The following SPAG17 variants were observed in gnomAD, a reference collection of about 807,000 sequenced individuals.
SPAG17 encodes sperm associated antigen 17, also known as sperm-associated antigen 17.
SPAG17 carries 169 observed loss-of-function variants against 273.6 expected under a neutral mutation model. The ratio of observed to expected loss-of-function variants is 0.62; its 90% CI spans 0.55 to 0.70. SPAG17 has a LOEUF of 0.70. Ranked by LOEUF, SPAG17 falls within the 30% of genes least tolerant of loss-of-function variation. SPAG17 has a pLI of 0.00. For missense variants in SPAG17, 2,557 were observed against 2,627.8 expected (o/e 0.97, Z 0.59); for synonymous variants, 825 against 873.2 (o/e 0.94, Z 0.97).
At position 117,987,819 on chromosome 1, in the gene SPAG17, T is replaced by G. The variant is rs767736345; in HGVS notation, c.5669+15A>C. 1.9e-6 allele frequency: 3 copies of G among 1,613,622 alleles called. No individual in the cohort carries two copies. The South Asian group carries it at 3.3e-5, about 18-fold the overall frequency. On this transcript the variant is annotated intron_variant, in intron 40 of 48. Coordinates refer to ENST00000336338, the MANE Select transcript of SPAG17 (RefSeq NM_206996.4). ...GCCCTTTCAGGTCCTTATGTGCGTT[T>G]TGGGGTATAATTACCTCGTTTTGTC...
At chr1:118,136,117 T>C (rs1315301431) in intron 3 of SPAG17, among the ~76,000 whole-genome samples, 1 of 152,206 alleles carries the variant, frequency 6.6e-6, no homozygotes, top group Non-Finnish European at 1.5e-5. Context: ...GAAAGTATTT[T>C]GGACTCTAAA....
At chr1:118,184,919 C>T (rs1028044982) in intron 1 of SPAG17, 152 bp downstream of exon 1, 9 of 687,408 alleles carry the variant, frequency 1.3e-5, no homozygotes, top group Non-Finnish European at 2.3e-5. Context: ...GTTTATCAAG[C>T]ACTTCCTGTC....
chr1:118,122,298 G>A (rs1384929324), intron 3 of SPAG17, among the ~76,000 whole-genome samples: 1 of 152,156 alleles, frequency 6.6e-6, no homozygotes, highest in Non-Finnish European at 1.5e-5. Flanking sequence ...CACTTGTATT[G>A]AGATGTTCTC....
At chr1:118,115,199 A>G in intron 4 of SPAG17, 111 bp downstream of exon 4, 1 of 1,278,120 alleles carries the variant, frequency 7.8e-7, no homozygotes, top group Non-Finnish European at 1.1e-6. Flanking sequence ...CAAATTTGCC[A>G]GGTAACACTT....
intron 1 of SPAG17, among the ~76,000 whole-genome samples, chr1:118,168,577 G>A (rs1306416204): frequency 6.6e-6 from 1 of 152,168 alleles, no homozygotes; most frequent in Non-Finnish European, 1.5e-5. Context: ...TCACTATCAG[G>A]TGCTATAGCC....
intron 27 of SPAG17, 114 bp from the exon 28 acceptor site, chr1:118,023,577 T>C: frequency 2.0e-6 from 2 of 1,015,516 alleles, no homozygotes; most frequent in Non-Finnish European, 2.8e-6. Flanking sequence ...GAAGAAATGC[T>C]GTTTGCAGAC....
intron 3 of SPAG17, among the ~76,000 whole-genome samples, chr1:118,118,245 C>A (rs1657206434): frequency 6.6e-6 from 1 of 152,176 alleles, no homozygotes. Context: ...AAGAATAAAT[C>A]TCCAACATTC....
intron 4 of SPAG17, among the ~76,000 whole-genome samples, chr1:118,103,470 A>C (rs1269406396): frequency 6.6e-6 from 1 of 152,084 alleles, no homozygotes; most frequent in African/African-American, 2.4e-5. Context: ...AACATCAGTA[A>C]AGGCTGCAGG....
intron 40 of SPAG17, among the ~76,000 whole-genome samples, chr1:117,986,873 A>T (rs968577434): frequency 1.3e-5 from 2 of 152,164 alleles, no homozygotes; most frequent in Non-Finnish European, 2.9e-5. Context: ...AGGACATAAA[A>T]CCTAGAAAGG....
In SPAG17 at chr1:118,039,569, C is replaced by T; in HGVS notation, c.3167-125G>A. The T allele has an allele frequency of 5.4e-6, 5 of 934,450 alleles. No individual in the cohort carries two copies. The South Asian group carries it at 5.9e-5, about 11-fold the overall frequency. The allele number at this position is 934,450 out of a possible 1,614,324, so 57.9% of individuals were successfully genotyped here. On this transcript the variant is annotated intron_variant, in intron 22 of 48. Coordinates refer to ENST00000336338, the MANE Select transcript of SPAG17 (RefSeq NM_206996.4). The stretch of plus-strand genomic sequence containing the variant: ...AACAGAAAACCAAACACTGCATGTT[C>T]TCACTTAGGAATGGCAGCTAAACAT...
intron 18 of SPAG17, among the ~76,000 whole-genome samples, chr1:118,062,641 A>T (rs1004969372): frequency 3.3e-5 from 5 of 152,132 alleles, no homozygotes; most frequent in Admixed American, 3.3e-4. Context: ...TGATATAATT[A>T]TAATGAAAAA....
chr1:118,066,930 C>A lies in SPAG17; in HGVS notation c.2386-31G>T, dbSNP rs188499644. 1,306 of 1,577,036 alleles carry A rather than the reference C, an allele frequency of 8.3e-4. 19 individuals are homozygous for A. The Admixed American group carries it at 0.023, about 28-fold the overall frequency. On this transcript the variant is annotated intron_variant, in intron 17 of 48. Transcript: ENST00000336338. Reference sequence around the variant, plus strand: ...AATCAAAATAATTGCATTGTAGAATCTTTTTTATTTTCCCCAAGAGAAGGG... The same window carrying A: ...AATCAAAATAATTGCATTGTAGAATATTTTTTATTTTCCCCAAGAGAAGGG...
Position 118,025,265 on chromosome 1 carries a change from G to A in SPAG17, c.3882C>T (p.Val1294=). The change falls in exon 27 of 49, where the codon GTC becomes GTT. Residue 1294 remains valine, a synonymous_variant. Coordinates refer to ENST00000336338, the MANE Select transcript of SPAG17 (RefSeq NM_206996.4). The stretch of plus-strand genomic sequence containing the variant: ...GTGTGGATCCATCCAACATATATTT[G>A]ACAACAGTGCCTTGACTGGTGATAA... ...SRVITSQGTV[V]KYMLDGSTQI... The A allele has an allele frequency of 1.9e-6, 3 of 1,612,982 alleles. No individual in the cohort carries two copies. The highest frequency in any genetic ancestry group is 1.1e-5 in the South Asian group (1 of 91,018).
chr1:118,119,241 T>C (rs1436477992), intron 3 of SPAG17, among the ~76,000 whole-genome samples: 3 of 152,254 alleles, frequency 2.0e-5, no homozygotes, highest in Non-Finnish European at 4.4e-5. Flanking sequence ...CCTTGTGTGT[T>C]GACAAGAAGT....
intron 3 of SPAG17, among the ~76,000 whole-genome samples, chr1:118,120,164 T>C (rs1373207309): frequency 6.6e-6 from 1 of 152,226 alleles, no homozygotes; most frequent in Admixed American, 6.5e-5. Context: ...CTTTTATTTG[T>C]TGATATTAGT....
intron 13 of SPAG17, among the ~76,000 whole-genome samples, chr1:118,083,920 C>A (rs1371375395): frequency 6.6e-6 from 1 of 152,056 alleles, no homozygotes; most frequent in Non-Finnish European, 1.5e-5. Flanking sequence ...TGGTTTTGGA[C>A]TTGTTAAGCA....
chr1:118,093,042 T>C (rs1655485862), intron 8 of SPAG17, 114 bp downstream of exon 8: 3 of 1,131,594 alleles, frequency 2.7e-6, no homozygotes, highest in Non-Finnish European at 3.7e-6. Context: ...CAGTAGGCAG[T>C]ATGACCTTAA....
intron 15 of SPAG17, among the ~76,000 whole-genome samples, chr1:118,075,871 G>A (rs1017673259): frequency 2.0e-5 from 3 of 151,906 alleles, no homozygotes; most frequent in Non-Finnish European, 2.9e-5. Context: ...ATTCATATTG[G>A]TCGAGTATCA....
At chr1:118,074,992 T>A (rs897481518) in intron 15 of SPAG17, among the ~76,000 whole-genome samples, 1 of 152,214 alleles carries the variant, frequency 6.6e-6, no homozygotes, top group African/African-American at 2.4e-5. Flanking sequence ...AAAGCCTTTT[T>A]AAATTTCTGT....
Sources: allele counts gnomAD v4.1 joint callset (sites outside exome capture counted in the v4.1 genomes callset), GRCh38; gene constraint gnomAD v4.1.1; transcripts MANE v1.5; gene names NCBI Gene and HGNC (gene_info 2026-07-23, HGNC 2026-07-21).